The following PRKCH variants were observed in gnomAD, a reference collection of about 807,000 sequenced individuals.
The protein encoded by PRKCH is protein kinase C eta.
A neutral mutation model predicts 82.5 loss-of-function variants in PRKCH; 28 were observed. The observed-to-expected ratio is 0.34, with a 90% CI of 0.25 to 0.47. The LOEUF is 0.47. PRKCH is among the 20% of genes least tolerant of loss of function. The pLI is 1.00. For missense variants in PRKCH, 705 were observed against 881.8 expected, an observed-to-expected ratio of 0.80 and a Z score of 2.54; for synonymous variants, 322 against 327.4, an observed-to-expected ratio of 0.98 and a Z score of 0.18.
In PRKCH at chr14:61,517,491, C is replaced by T. The variant is rs536160334; in HGVS notation, c.1434-11584C>T. The stretch of plus-strand genomic sequence containing the variant: ...AGACAGGCTAAGACGTCTGATTACT[C>T]TTTGCTCTGTGTATTTGTATGACAG... On this transcript the variant is annotated intron_variant, in intron 10 of 13. Coordinates refer to ENST00000332981, the MANE Select transcript of PRKCH (RefSeq NM_006255.5). Among the ~76,000 whole-genome samples the T allele has an allele frequency of 6.6e-5, 10 of 152,292 alleles. No homozygotes were observed. The East Asian group carries it at 1.9e-3, about 29-fold the overall frequency.
intron 2 of PRKCH, among the ~76,000 whole-genome samples, chr14:61,411,153 AC>A (rs916017032): frequency 1.3e-5 from 2 of 152,144 alleles, no homozygotes; most frequent in African/African-American, 4.8e-5. Context: ...CACTATGCAG[AC>A]CTTTGAGCCA....
At chr14:61,266,862 A>T (rs546966780) in intron 1 of PRKCH, among the ~76,000 whole-genome samples, 18 of 152,036 alleles carry the variant, frequency 1.2e-4, no homozygotes, top group Admixed American at 9.8e-4. Flanking sequence ...CTAGGGAGGG[A>T]GATGAGGTGA....
chr14:61,276,327 A>G (rs978357010), intron 1 of PRKCH, among the ~76,000 whole-genome samples: 2 of 152,054 alleles, frequency 1.3e-5, no homozygotes, highest in South Asian at 2.1e-4. Flanking sequence ...GAAATGTCCA[A>G]TAAAAATAAC....
At chr14:61,518,695 A>G (rs1421733248) in intron 10 of PRKCH, among the ~76,000 whole-genome samples, 1 of 152,142 alleles carries the variant, frequency 6.6e-6, no homozygotes, top group Non-Finnish European at 1.5e-5. Flanking sequence ...TGCAGTGGTG[A>G]TGGTGGGAAC....
intron 10 of PRKCH, among the ~76,000 whole-genome samples, chr14:61,514,619 C>T (rs964526758): frequency 3.9e-5 from 6 of 152,146 alleles, no homozygotes; most frequent in Non-Finnish European, 7.4e-5. Flanking sequence ...CCCACATCCT[C>T]CCTAATCCTT....
At chr14:61,410,489 G>C (rs1882208725) in intron 2 of PRKCH, among the ~76,000 whole-genome samples, 1 of 152,142 alleles carries the variant, frequency 6.6e-6, no homozygotes, top group Non-Finnish European at 1.5e-5. Flanking sequence ...GTTTCATCCT[G>C]TTAAAGGCTC....
intron 10 of PRKCH, among the ~76,000 whole-genome samples, chr14:61,492,932 G>C (rs1487345039): frequency 1.3e-5 from 2 of 152,208 alleles, no homozygotes; most frequent in African/African-American, 4.8e-5. Flanking sequence ...AAGATAAGGA[G>C]GGTGTTTAGG....
At chr14:61,363,472 A>G (rs1566839355) in intron 1 of PRKCH, among the ~76,000 whole-genome samples, 3 of 152,184 alleles carry the variant, frequency 2.0e-5, no homozygotes, top group East Asian at 3.9e-4. Flanking sequence ...TACAATTTTG[A>G]TCAACTGGCT....
chr14:61,344,451 A>T (rs1226201768), intron 1 of PRKCH: 2 of 152,092 alleles, frequency 1.3e-5, no homozygotes, highest in African/African-American at 4.8e-5. Context: ...TGGGGGGCAA[A>T]ATTTAATCTT....
intron 10 of PRKCH, among the ~76,000 whole-genome samples, chr14:61,487,395 G>A (rs985078634): frequency 6.6e-6 from 1 of 152,212 alleles, no homozygotes; most frequent in Non-Finnish European, 1.5e-5. Flanking sequence ...TGACCAGGCT[G>A]TGGGGATTAG....
intron 2 of PRKCH, among the ~76,000 whole-genome samples, chr14:61,429,261 C>T (rs997860017): frequency 7.3e-5 from 11 of 149,972 alleles, no homozygotes; most frequent in African/African-American, 2.8e-4. Context: ...ATTTTTATAC[C>T]ATTTTCATCA....
chr14:61,367,456 G>T (rs1301338403), intron 1 of PRKCH, among the ~76,000 whole-genome samples: 3 of 151,824 alleles, frequency 2.0e-5, no homozygotes, highest in African/African-American at 7.3e-5. Flanking sequence ...AGGTTACAGT[G>T]CAAGAGCTGT....
Position 61,396,272 on chromosome 14 carries a change from C to A in PRKCH, c.427+4984C>A, listed in dbSNP as rs532860258. Among the ~76,000 whole-genome samples the A allele has an allele frequency of 2.6e-5, 4 of 151,936 alleles. No homozygotes were observed. The South Asian group carries it at 8.3e-4, about 32-fold the overall frequency. On this transcript the variant is annotated intron_variant, in intron 2 of 13. Transcript: ENST00000332981. ...TTTAAAAAAAATTACTTAAATTGGA[C>A]GGTGGTCTGTGATATACAAGGCTGG...
intron 1 of PRKCH, among the ~76,000 whole-genome samples, chr14:61,352,971 G>T (rs1391633607): frequency 1.3e-5 from 2 of 152,160 alleles, no homozygotes; most frequent in Admixed American, 6.5e-5. Flanking sequence ...GGCTGGGGTG[G>T]CATCTGTAAT....
intron 1 of PRKCH, among the ~76,000 whole-genome samples, chr14:61,314,872 C>T (rs2045549880): frequency 6.6e-6 from 1 of 152,146 alleles, no homozygotes; most frequent in African/African-American, 2.4e-5. Flanking sequence ...TCTCAGCCCC[C>T]CATGCCACCC....
At chr14:61,199,831 A>G (rs1282760012) in intron 1 of PRKCH, among the ~76,000 whole-genome samples, 1 of 152,198 alleles carries the variant, frequency 6.6e-6, no homozygotes, top group Admixed American at 6.5e-5. Context: ...CACGCAAAGA[A>G]TATTCATTCC....
chr14:61,506,890 C>T (rs1183656557), intron 10 of PRKCH, among the ~76,000 whole-genome samples: 1 of 152,126 alleles, frequency 6.6e-6, no homozygotes, highest in Non-Finnish European at 1.5e-5. Flanking sequence ...CTGCTAAAAT[C>T]GTCTTCCCTT....
intron 9 of PRKCH, among the ~76,000 whole-genome samples, chr14:61,480,076 C>G (rs1273456978): frequency 6.6e-6 from 1 of 152,254 alleles, no homozygotes; most frequent in African/African-American, 2.4e-5. Flanking sequence ...TCAGGGCAGA[C>G]TTCACCTGAC....
Position 61,491,499 on chromosome 14 carries a change from C to G in PRKCH, c.1433+5843C>G, listed in dbSNP as rs151019313. ...GCTCTTTGAGCTTTTTAGTCATGTG[C>G]TTGTCTCTTCTCTTACTTAGCTTGT... On this transcript the variant is annotated intron_variant, in intron 10 of 13. Transcript: ENST00000332981. 8.5e-4 allele frequency among the ~76,000 whole-genome samples: 129 copies of G among 152,310 alleles called. 1 individual carries two copies. The highest frequency in any genetic ancestry group is 2.9e-3 in the African/African-American group (119 of 41,568).
Sources: allele counts gnomAD v4.1 joint callset (sites outside exome capture counted in the v4.1 genomes callset), GRCh38; gene constraint gnomAD v4.1.1; transcripts MANE v1.5; gene names NCBI Gene and HGNC (gene_info 2026-07-23, HGNC 2026-07-21).